KDM2B: variants seen among roughly 807,000 people sequenced by gnomAD.
The protein encoded by KDM2B is lysine demethylase 2B.
In KDM2B, 26 loss-of-function variants were observed where a neutral mutation model predicts 150.0. The observed-to-expected ratio is 0.17, with a 90% CI of 0.13 to 0.24. The LOEUF (loss-of-function observed/expected upper bound fraction) is 0.24. KDM2B is among the 10% of genes least tolerant of loss of function. The pLI is 1.00. For synonymous variants in KDM2B, 734 were observed against 729.5 expected (o/e 1.01, Z -0.10); for missense variants, 1,265 against 1,816.9 (o/e 0.70, Z 5.52).
In KDM2B at chr12:121,499,110, A is replaced by ATTTT. The variant is rs68098990; in HGVS notation, c.1648-4449_1648-4446dup. 6.9e-5 allele frequency among the ~76,000 whole-genome samples: 9 copies of ATTTT among 131,080 alleles called. No individual in the cohort carries two copies. In the East Asian group the frequency reaches 1.1e-3, roughly 16 times the overall value. The allele number at this position is 131,080 out of a possible 152,430, so 86.0% of individuals were successfully genotyped here. On this transcript the variant is annotated intron_variant, in intron 11 of 22. Transcript: ENST00000377071. ...GTGAGCCACCACATCCAGTCAATAA[A>ATTTT]TTTTTTTTTTTTTTTTTTGAGATGG...
At chr12:121,506,612 G>A (rs1239682219) in intron 11 of KDM2B, among the ~76,000 whole-genome samples, 2 of 151,866 alleles carry the variant, frequency 1.3e-5, no homozygotes, top group Non-Finnish European at 2.9e-5. Context: ...GACCATCCTG[G>A]CCAACACGGT....
At chr12:121,462,405 CT>C (rs1437120543) in intron 12 of KDM2B, among the ~76,000 whole-genome samples, 1 of 152,180 alleles carries the variant, frequency 6.6e-6, no homozygotes, top group African/African-American at 2.4e-5. Flanking sequence ...AGCTAAAGAC[CT>C]CTTCCTCCAA....
At chr12:121,476,043 C>T (rs1555296721) in intron 12 of KDM2B, among the ~76,000 whole-genome samples, 5 of 151,884 alleles carry the variant, frequency 3.3e-5, no homozygotes. Context: ...GCTTGTAATC[C>T]CAGCACTTTG....
intron 12 of KDM2B, among the ~76,000 whole-genome samples, chr12:121,474,444 G>A (rs377685739): frequency 2.6e-5 from 4 of 151,648 alleles, no homozygotes; most frequent in Non-Finnish European, 4.4e-5. Flanking sequence ...TGAACCCGGG[G>A]GGCAGAGCTT....
chr12:121,473,257 T>C (rs965296601), intron 12 of KDM2B, among the ~76,000 whole-genome samples: 1 of 151,834 alleles, frequency 6.6e-6, no homozygotes, highest in African/African-American at 2.4e-5. Context: ...CCGGGTGTGA[T>C]GGTGGGCATC....
At chr12:121,538,163 G>T (rs1306299154) in intron 6 of KDM2B, among the ~76,000 whole-genome samples, 8 of 152,022 alleles carry the variant, frequency 5.3e-5, no homozygotes, top group Admixed American at 2.0e-4. Flanking sequence ...GGCCGCCAGG[G>T]AGGCGGAGGG....
Position 121,493,253 on chromosome 12 carries a change from A to C in KDM2B, c.1734+1326T>G, listed in dbSNP as rs554908697. ...CAAAAAAAACCCCAAAAAAATCAGA[A>C]ATTAACAAAATACCTCTTGGGGCTA... On this transcript the variant is annotated intron_variant, in intron 12 of 22. Transcript: ENST00000377071. Among the ~76,000 whole-genome samples, 41 of 151,680 alleles carry C rather than the reference A, an allele frequency of 2.7e-4. 1 individual carries two copies. The highest frequency in any genetic ancestry group is 3.4e-3 in the Middle Eastern group (1 of 294).
intron 3 of KDM2B, 86 bp from the exon 4 acceptor site, chr12:121,574,679 C>T: frequency 8.2e-7 from 1 of 1,215,476 alleles, no homozygotes; most frequent in Non-Finnish European, 1.2e-6. Context: ...AGCCATTTTT[C>T]CAAGAGAGAT....
At chr12:121,557,299 A>T (rs1170446313) in intron 4 of KDM2B, among the ~76,000 whole-genome samples, 2 of 146,000 alleles carry the variant, frequency 1.4e-5, no homozygotes, top group South Asian at 2.2e-4. Context: ...GTTCAGTGGT[A>T]CAATCTCAGC....
chr12:121,544,774 G>A (rs1174722549), intron 6 of KDM2B, among the ~76,000 whole-genome samples: 5 of 151,858 alleles, frequency 3.3e-5, no homozygotes, highest in South Asian at 4.2e-4. Flanking sequence ...TTAGCTGGGT[G>A]TGGTGGTGGG....
In KDM2B at chr12:121,442,907, C is replaced by T. The variant is rs549724040; in HGVS notation, c.2605-71G>A. ...GCGCCCGCCCAAGGCCTCCCGCCCC[C>T]CTGCCACGGGACTGTGGCCCAGGGA... On this transcript the variant is annotated intron_variant, in intron 18 of 22. Transcript: ENST00000377071. The surrounding 1 kb of genome is among the most constrained non-coding windows in gnomAD (Gnocchi z 7.7). The T allele has an allele frequency of 3.2e-6, 5 of 1,568,236 alleles. No homozygotes were observed. The East Asian group carries it at 9.1e-5, about 29-fold the overall frequency.
chr12:121,486,207 C>A (rs1419080028), intron 12 of KDM2B, among the ~76,000 whole-genome samples: 3 of 151,560 alleles, frequency 2.0e-5, no homozygotes, highest in African/African-American at 7.3e-5. Context: ...CTCCCGGGTT[C>A]AAGCTATTCT....
At chr12:121,566,439 T>C (rs149869316) in intron 4 of KDM2B, among the ~76,000 whole-genome samples, 7 of 152,036 alleles carry the variant, frequency 4.6e-5, no homozygotes, top group Admixed American at 4.6e-4. Flanking sequence ...CTGGCCAATA[T>C]GGTAAAACCC....
intron 13 of KDM2B, among the ~76,000 whole-genome samples, chr12:121,447,916 CA>C (rs1395535019): frequency 6.6e-6 from 1 of 152,070 alleles, no homozygotes; most frequent in African/African-American, 2.4e-5. Flanking sequence ...CTTAGCCTCC[CA>C]AAGTGTTGTG....
At chr12:121,550,584 C>T (rs956063360) in intron 4 of KDM2B, among the ~76,000 whole-genome samples, 1 of 152,302 alleles carries the variant, frequency 6.6e-6, no homozygotes, top group Middle Eastern at 3.4e-3. Context: ...ACCTCCACTT[C>T]CTGGGTTCAA....
chr12:121,480,638 G>A (rs1882009023), intron 12 of KDM2B, among the ~76,000 whole-genome samples: 1 of 150,092 alleles, frequency 6.7e-6, no homozygotes, highest in Non-Finnish European at 1.5e-5. Flanking sequence ...GGGTGTGGTG[G>A]TGCACACCTG....
intron 11 of KDM2B, among the ~76,000 whole-genome samples, chr12:121,507,411 T>C (rs1885184988): frequency 6.6e-6 from 1 of 152,140 alleles, no homozygotes; most frequent in South Asian, 2.1e-4. Flanking sequence ...TTCAATGTGT[T>C]TGTACAAGGA....
In KDM2B at chr12:121,575,162, C is replaced by T. The variant is rs1325385093; in HGVS notation, c.351-569G>A. On this transcript the variant is annotated intron_variant, in intron 3 of 22. Transcript: ENST00000377071. This position sits in a 1 kb window ranked among gnomAD's most constrained non-coding sequence, Gnocchi z 4.4. ...ATGGACTCTTGAGCAAGTCTGGGAG[C>T]AGATGCTGGAGAGAGGCTGCCTGGG... Among the ~76,000 whole-genome samples, 1 of 152,232 alleles carries T rather than the reference C, an allele frequency of 6.6e-6. No homozygotes were observed. Among genetic ancestry groups the T allele is most frequent in the African/African-American group, 2.4e-5 (1 of 41,458 alleles).
At position 121,429,717 on chromosome 12, in the gene KDM2B, C is replaced by A. The variant is rs1872722335; in HGVS notation, c.*571G>T. 1.6e-5 allele frequency: 7 copies of A among 425,210 alleles called. No homozygotes were observed. In the East Asian group the frequency reaches 2.7e-4, roughly 16 times the overall value. 26.3% of individuals were successfully genotyped at this position (425,210 alleles called of 1,614,324 possible). The stretch of plus-strand genomic sequence containing the variant: ...GAAGTACACGTTAAATTCTCTCCTA[C>A]CTTAAGGAAATCAGGAAAATTGGCA... On this transcript the variant is annotated 3_prime_UTR_variant, in exon 23 of 23. Coordinates refer to ENST00000377071, the MANE Select transcript of KDM2B (RefSeq NM_032590.5).
Sources: gnomAD v4.1 joint callset for allele counts (sites outside exome capture counted in the v4.1 genomes callset) on GRCh38, gnomAD v4.1.1 for gene constraint, Gnocchi (gnomAD v3.1) non-coding constraint, MANE v1.5 for transcripts, NCBI Gene and HGNC (gene_info 2026-07-23, HGNC 2026-07-21) for gene names.